The following FAN1 variants were observed in gnomAD, a reference collection of about 807,000 sequenced individuals.
FAN1 encodes FANCD2 and FANCI associated nuclease 1, also known as fanconi-associated nuclease 1.
Under a neutral mutation model 104.9 loss-of-function variants are expected in FAN1, and 91 were observed. The ratio of observed to expected loss-of-function variants is 0.87; its 90% CI spans 0.73 to 1.03. The LOEUF (loss-of-function observed/expected upper bound fraction) is 1.03, where lower values mean the gene tolerates loss of function less well. Ranked by LOEUF, FAN1 falls within the 50% of genes least tolerant of loss-of-function variation. FAN1 has a pLI of 0.00. For synonymous variants in FAN1, 478 were observed against 457.6 expected (o/e 1.04, Z -0.57); for missense variants, 1,263 against 1,239.9 (o/e 1.02, Z -0.28).
At chr15:30,927,633 A>G in intron 10 of FAN1, 1 of 985,554 alleles carries the variant, frequency 1.0e-6, no homozygotes, top group Non-Finnish European at 1.2e-6. Flanking sequence ...GACCAGCCAG[A>G]GGAGCTTTGC....
chr15:30,929,542 CATAT>C (rs1011917965), intron 12 of FAN1, 145 bp downstream of exon 12: 3 of 202,538 alleles, frequency 1.5e-5, no homozygotes, highest in Non-Finnish European at 2.7e-5. Flanking sequence ...TAGTATATAT[CATAT>C]ATAAAATATA....
chr15:30,916,315 A>G (rs1443868842), intron 5 of FAN1, among the ~76,000 whole-genome samples: 1 of 152,318 alleles, frequency 6.6e-6, no homozygotes, highest in East Asian at 1.9e-4. Context: ...GGGGAGAATA[A>G]TAGTATATTC....
At chr15:30,929,149 T>G (rs907055179) in intron 11 of FAN1, 54 bp from the exon 12 acceptor site, 2 of 1,532,744 alleles carry the variant, frequency 1.3e-6, no homozygotes, top group Non-Finnish European at 1.8e-6. Context: ...AGTCCTCTGG[T>G]GAACACGGCT....
In FAN1 at chr15:30,905,068, GT is replaced by G. The variant is rs747773481; in HGVS notation, c.406del (p.Cys136AlafsTer7). 4 of 1,614,058 alleles carry G rather than the reference GT, an allele frequency of 2.5e-6. No homozygotes were observed. Among genetic ancestry groups the G allele is most frequent in the Non-Finnish European group, 3.4e-6 (4 of 1,180,006 alleles). ...CCTACTTTAAAAGTAATGATGTGGT[GT>G]GCAAAAATCAAGATGAGCTGAGAAA... Reference protein sequence around the residue: ...SPYFKSNDVVCKNQDELRNRS... With the variant: ...SPYFKSNDVVXKNQDELRNRS... On this transcript the variant is annotated frameshift_variant, in exon 2 of 15. Transcript: ENST00000362065. LOFTEE classifies it high-confidence loss of function.
chr15:30,914,866 C>T (rs576569304), intron 5 of FAN1, among the ~76,000 whole-genome samples: 5 of 152,090 alleles, frequency 3.3e-5, no homozygotes, highest in East Asian at 1.9e-4. Flanking sequence ...TATTGGCACA[C>T]GGATTTAGTG....
intron 14 of FAN1, among the ~76,000 whole-genome samples, chr15:30,938,310 T>C (rs1249159170): frequency 6.6e-6 from 1 of 152,242 alleles, no homozygotes; most frequent in East Asian, 1.9e-4. Flanking sequence ...GTTAAACTTT[T>C]ATGATTATCT....
In FAN1 at chr15:30,904,709, A is replaced by G. The variant is rs1336635969; in HGVS notation, c.46A>G (p.Ser16Gly). The change falls in exon 2 of 15, where the codon AGC (serine) becomes GGC (glycine). Residue 16 changes from serine (S) to glycine (G), a missense_variant. Transcript: ENST00000362065. ...KPPDKKRPRR[S>G]LSISKNKKKA... ...TCCTGACAAAAAAAGGCCTCGTAGA[A>G]GCTTATCAATCAGCAAGAATAAGAA... 1.2e-6 allele frequency: 2 copies of G among 1,609,320 alleles called. No homozygotes were observed. Among genetic ancestry groups the G allele is most frequent in the East Asian group, 2.2e-5 (1 of 44,818 alleles).
chr15:30,936,655 ATT>A (rs745973558), intron 13 of FAN1, among the ~76,000 whole-genome samples: 1 of 84,926 alleles, frequency 1.2e-5, no homozygotes, highest in South Asian at 4.8e-4. Flanking sequence ...AACTGAAAAT[ATT>A]GTTAAGTTGA....
intron 2 of FAN1, among the ~76,000 whole-genome samples, chr15:30,907,532 CAAAAACAAAACA>C (rs1020428204): frequency 1.8e-5 from 2 of 113,190 alleles, no homozygotes; most frequent in African/African-American, 9.3e-5. Context: ...AAAAACAAAA[CAAAAACAAAACA>C]AAAAAACAAC....
chr15:30,922,850 C>T (rs569978742), intron 8 of FAN1, among the ~76,000 whole-genome samples: 6 of 152,334 alleles, frequency 3.9e-5, no homozygotes, highest in South Asian at 4.1e-4. Flanking sequence ...CATTTGGAAG[C>T]GTTGTTTGAC....
chr15:30,906,438 C>G (rs564973348), intron 2 of FAN1: 14 of 456,742 alleles, frequency 3.1e-5, no homozygotes, highest in African/African-American at 2.8e-4. Flanking sequence ...GAAATTGGTA[C>G]ATTAAAAATA....
chr15:30,934,245 CCTT>C (rs1482559949), intron 13 of FAN1, among the ~76,000 whole-genome samples: 2 of 151,986 alleles, frequency 1.3e-5, no homozygotes, highest in Admixed American at 6.6e-5. Context: ...GCCACTTCAG[CCTT>C]CTTTTTTTTA....
rs537740534 is a variant in FAN1, at chr15:30,928,710, C to G, written c.2592+54C>G. ...GGTCCTTCTGCACACATCCGTGGCT[C>G]ACGCCCACCTGGGCACCGTGTGTCC... On this transcript the variant is annotated intron_variant, in intron 11 of 14. Transcript: ENST00000362065. The G allele has an allele frequency of 8.2e-3, 13,126 of 1,610,368 alleles. 69 individuals carry two copies. The highest frequency in any genetic ancestry group is 9.4e-3 in the Non-Finnish European group (11,063 of 1,178,152).
rs1366203161 is a variant in FAN1 at position 30,920,570 on chromosome 15, C to G, written c.1969C>G (p.Leu657Val). 1 of 1,611,166 alleles carries G rather than the reference C, an allele frequency of 6.2e-7. No individual in the cohort carries two copies. Among genetic ancestry groups the G allele is most frequent in the East Asian group, 2.2e-5 (1 of 44,762 alleles). ...ATGCCACGAAGATTTACCACTCTTC[C>G]TGCGGTGTTTCACTGTTGGGTGGAT... ...LRCHEDLPLF[L>V]RCFTVGWIYT... Residue 657 changes from leucine to valine, a missense_variant, in exon 7 of 15, where the codon CTG becomes GTG. Transcript: ENST00000362065.
chr15:30,936,241 G>GGATA (rs2062850041), intron 13 of FAN1, among the ~76,000 whole-genome samples: 1 of 152,124 alleles, frequency 6.6e-6, no homozygotes, highest in Non-Finnish European at 1.5e-5. Context: ...TGCATAGGGA[G>GGATA]GATATACTTA....
intron 3 of FAN1, among the ~76,000 whole-genome samples, chr15:30,910,353 A>T (rs918421282): frequency 1.3e-5 from 2 of 152,222 alleles, no homozygotes; most frequent in African/African-American, 4.8e-5. Flanking sequence ...CATAATGGCT[A>T]TCCATGTGTG....
At chr15:30,906,717 C>T (rs551457792) in intron 2 of FAN1, among the ~76,000 whole-genome samples, 7 of 152,322 alleles carry the variant, frequency 4.6e-5, no homozygotes, top group Admixed American at 2.0e-4. Context: ...ATTTTAAATT[C>T]GCACAGTGAA....
intron 13 of FAN1, among the ~76,000 whole-genome samples, chr15:30,932,221 C>CAAAAA (rs766829435): frequency 4.0e-5 from 2 of 49,496 alleles, no homozygotes; most frequent in Admixed American, 2.1e-4. Context: ...GACTCCATCT[C>CAAAAA]AAAAAAAAAA....
intron 14 of FAN1, chr15:30,939,224 C>T: frequency 1.0e-6 from 1 of 985,422 alleles, no homozygotes. Flanking sequence ...GTTTCAAAAT[C>T]AGTTTCCATC....
Sources: allele counts gnomAD v4.1 joint callset (sites outside exome capture counted in the v4.1 genomes callset), GRCh38; gene constraint gnomAD v4.1.1; transcripts MANE v1.5; gene names NCBI Gene and HGNC (gene_info 2026-07-23, HGNC 2026-07-21).